Variants in USP49 observed in about 807,000 individuals in gnomAD.
USP49 encodes ubiquitin specific peptidase 49.
USP49 carries 24 observed loss-of-function variants against 58.6 expected under a neutral mutation model. The observed-to-expected ratio is 0.41, with a 90% CI of 0.30 to 0.58. The LOEUF (loss-of-function observed/expected upper bound fraction) is 0.58. USP49 is among the 20% of genes least tolerant of loss of function. The probability of loss-of-function intolerance (pLI) is 0.30; values close to 1 mark genes in which losing one functional copy is unlikely to be tolerated. For missense variants in USP49, 703 were observed against 866.1 expected, an observed-to-expected ratio of 0.81 and a Z score of 2.36; for synonymous variants, 408 against 365.1, an observed-to-expected ratio of 1.12 and a Z score of -1.34.
At chr6:41,816,061 C>G (rs528757190) in intron 3 of USP49, among the ~76,000 whole-genome samples, 2 of 152,230 alleles carry the variant, frequency 1.3e-5, no homozygotes, top group Non-Finnish European at 2.9e-5. Flanking sequence ...GGCACAAATG[C>G]CTTGTTCCAT....
chr6:41,892,129 G>A (rs1398075401), intron 1 of USP49, among the ~76,000 whole-genome samples: 4 of 152,110 alleles, frequency 2.6e-5, no homozygotes, highest in African/African-American at 7.2e-5. Flanking sequence ...CATTGACAAT[G>A]AGACTCAGTG....
At chr6:41,845,173 T>A (rs1410757543) in intron 3 of USP49, among the ~76,000 whole-genome samples, 1 of 152,020 alleles carries the variant, frequency 6.6e-6, no homozygotes, top group East Asian at 1.9e-4. Flanking sequence ...AGTGCTGGGA[T>A]AAGAGGTGTG....
intron 3 of USP49, among the ~76,000 whole-genome samples, chr6:41,828,566 AGGCTG>A (rs1773582220): frequency 6.6e-6 from 1 of 152,212 alleles, no homozygotes; most frequent in Admixed American, 6.5e-5. Context: ...TTTTTTGATT[AGGCTG>A]TTTTATATTT....
intron 7 of USP49, among the ~76,000 whole-genome samples, 162 bp from the exon 8 acceptor site, chr6:41,796,885 T>A (rs1021683401): frequency 1.3e-5 from 2 of 152,016 alleles, no homozygotes; most frequent in Non-Finnish European, 2.9e-5. Context: ...GACAGACTTT[T>A]GTGTATCCAC....
chr6:41,827,013 CTCTGCACTGAT>C (rs1482229765), intron 3 of USP49, among the ~76,000 whole-genome samples: 1 of 152,218 alleles, frequency 6.6e-6, no homozygotes, highest in Non-Finnish European at 1.5e-5. Context: ...AGCAGACTCC[CTCTGCACTGAT>C]TCCTTGCACA....
chr6:41,813,447 C>A (rs1773293172), intron 3 of USP49, among the ~76,000 whole-genome samples: 1 of 152,076 alleles, frequency 6.6e-6, no homozygotes, highest in African/African-American at 2.4e-5. Context: ...GCAAAATCAA[C>A]TCCTCTGCTA....
chr6:41,848,809 C>T (rs1047553212), intron 3 of USP49, among the ~76,000 whole-genome samples: 18 of 150,890 alleles, frequency 1.2e-4, no homozygotes, highest in African/African-American at 3.7e-4. Context: ...GAGCCAAGAT[C>T]GCGCCACTGC....
At chr6:41,881,125 G>A (rs1323709574) in intron 2 of USP49, among the ~76,000 whole-genome samples, 5 of 151,020 alleles carry the variant, frequency 3.3e-5, no homozygotes, top group Non-Finnish European at 7.4e-5. Flanking sequence ...GTAGAGATGG[G>A]GTTTCACCAT....
intron 5 of USP49, among the ~76,000 whole-genome samples, chr6:41,802,468 ATTTT>A (rs1178634996): frequency 1.2e-4 from 9 of 73,904 alleles, no homozygotes; most frequent in African/African-American, 3.8e-4. Flanking sequence ...TTATTTATTT[ATTTT>A]TTATTTATTT....
intron 3 of USP49, among the ~76,000 whole-genome samples, chr6:41,827,193 G>A (rs1401275831): frequency 6.6e-6 from 1 of 152,136 alleles, no homozygotes; most frequent in African/African-American, 2.4e-5. Flanking sequence ...AAGAAACTGG[G>A]CATCATACGT....
intron 1 of USP49, among the ~76,000 whole-genome samples, chr6:41,893,595 C>T (rs528946619): frequency 6.6e-6 from 1 of 152,304 alleles, no homozygotes; most frequent in Non-Finnish European, 1.5e-5. Flanking sequence ...TAAATAAGCA[C>T]ACCCTTTCCC....
chr6:41,824,422 A>G (rs377060372), intron 3 of USP49, among the ~76,000 whole-genome samples: 18 of 151,978 alleles, frequency 1.2e-4, no homozygotes, highest in African/African-American at 3.9e-4. Flanking sequence ...AAAAAAAAAC[A>G]TAGCATCGCC....
chr6:41,891,684 G>A (rs1360968064), intron 2 of USP49, 110 bp downstream of exon 2: 3 of 152,182 alleles, frequency 2.0e-5, no homozygotes, highest in Non-Finnish European at 2.9e-5. Flanking sequence ...TGGAGAGAAG[G>A]CAGACTCTCC....
At chr6:41,827,739 G>A (rs1773566499) in intron 3 of USP49, among the ~76,000 whole-genome samples, 1 of 149,384 alleles carries the variant, frequency 6.7e-6, no homozygotes, top group African/African-American at 2.5e-5. Flanking sequence ...TGATAATTAA[G>A]TTGCATTACA....
At chr6:41,881,288 CAAAAAAAAAAAAAAA>C (rs57022965) in intron 2 of USP49, among the ~76,000 whole-genome samples, 10 of 20,388 alleles carry the variant, frequency 4.9e-4, no homozygotes, top group South Asian at 3.8e-3. Flanking sequence ...CATTAAATAC[CAAAAAAAAAAAAAAA>C]AAAAAAAAAA....
intron 2 of USP49, among the ~76,000 whole-genome samples, chr6:41,888,048 CTTTTTTTTTTTT>C (rs35468035): frequency 2.3e-5 from 2 of 85,510 alleles, no homozygotes; most frequent in East Asian, 3.9e-4. Context: ...TCACAATCAG[CTTTTTTTTTTTT>C]TTTTTTTTTT....
At chr6:41,862,404 T>G (rs1183874734) in intron 3 of USP49, among the ~76,000 whole-genome samples, 1 of 152,214 alleles carries the variant, frequency 6.6e-6, no homozygotes, top group Admixed American at 6.5e-5. Context: ...TGTTTGTACA[T>G]CTTTAGTTAT....
chr6:41,808,399 C>T (rs1773181535), intron 3 of USP49, among the ~76,000 whole-genome samples: 1 of 147,304 alleles, frequency 6.8e-6, no homozygotes, highest in Non-Finnish European at 1.5e-5. Context: ...GGGAAAGAAG[C>T]TATACAACTT....
At chr6:41,867,004 G>C (rs936361826) in intron 3 of USP49, among the ~76,000 whole-genome samples, 3 of 152,158 alleles carry the variant, frequency 2.0e-5, no homozygotes, top group Non-Finnish European at 4.4e-5. Context: ...AAACATCACT[G>C]ACTACCTGCA....
Sources: gnomAD v4.1 joint callset for allele counts (sites outside exome capture counted in the v4.1 genomes callset) on GRCh38, gnomAD v4.1.1 for gene constraint, MANE v1.5 for transcripts, NCBI Gene and HGNC (gene_info 2026-07-23, HGNC 2026-07-21) for gene names.